ERBB4: variants seen among roughly 807,000 people sequenced by gnomAD.
The protein encoded by ERBB4 is erb-b2 receptor tyrosine kinase 4, also known as receptor tyrosine-protein kinase erbB-4.
ERBB4 carries 42 observed loss-of-function variants against 158.0 expected under a neutral mutation model. The observed-to-expected ratio is 0.27, with a 90% CI of 0.21 to 0.34. ERBB4 has a LOEUF of 0.34. ERBB4 is among the 10% of genes least tolerant of loss of function. The pLI is 1.00. For missense variants in ERBB4, 1,333 were observed against 1,624.1 expected, an observed-to-expected ratio of 0.82 and a Z score of 3.08; for synonymous variants, 583 against 558.7, an observed-to-expected ratio of 1.04 and a Z score of -0.61.
At chr2:212,180,677 C>T (rs2081830776) in intron 1 of ERBB4, among the ~76,000 whole-genome samples, 1 of 151,744 alleles carries the variant, frequency 6.6e-6, no homozygotes, top group South Asian at 2.1e-4. Flanking sequence ...TCTAATGTCA[C>T]CAATTTCTCA....
chr2:211,862,421 G>A (rs1273654803), intron 3 of ERBB4, among the ~76,000 whole-genome samples: 1 of 151,800 alleles, frequency 6.6e-6, no homozygotes, highest in African/African-American at 2.4e-5. Flanking sequence ...TTTTTTTCAA[G>A]CATTGTCTTA....
intron 20 of ERBB4, among the ~76,000 whole-genome samples, chr2:211,516,413 A>C (rs1201148810): frequency 1.3e-5 from 2 of 151,234 alleles, no homozygotes; most frequent in Non-Finnish European, 2.9e-5. Flanking sequence ...GGCTCAGTGC[A>C]ACCTCTGCCT....
intron 2 of ERBB4, among the ~76,000 whole-genome samples, chr2:212,027,643 T>C (rs1478811070): frequency 1.4e-5 from 1 of 69,512 alleles, no homozygotes; most frequent in African/African-American, 3.5e-5. Flanking sequence ...TTGATCACTG[T>C]TTCCATTTAA....
At chr2:211,721,453 A>AAAAAAG (rs2074089134) in intron 7 of ERBB4, among the ~76,000 whole-genome samples, 1 of 148,652 alleles carries the variant, frequency 6.7e-6, no homozygotes, top group African/African-American at 2.5e-5. Flanking sequence ...CAAAAAAAAA[A>AAAAAAG]AAAAAAAAAA....
chr2:212,052,652 T>G (rs573909896), intron 2 of ERBB4, among the ~76,000 whole-genome samples: 4 of 152,148 alleles, frequency 2.6e-5, no homozygotes, highest in Non-Finnish European at 5.9e-5. Context: ...ACCCTTTTGG[T>G]CTTGAAACTC....
At chr2:212,349,450 C>A (rs2371572) in intron 1 of ERBB4, among the ~76,000 whole-genome samples, 80,100 of 151,538 alleles carry the variant, frequency 0.53, 21,675 homozygotes, top group East Asian at 0.79. Flanking sequence ...ACAATTGTTA[C>A]CAATTAGGAA....
intron 1 of ERBB4, among the ~76,000 whole-genome samples, chr2:212,384,920 T>TATATATATATATATATATACAC (rs764463489): frequency 8.1e-6 from 1 of 123,774 alleles, no homozygotes; most frequent in Non-Finnish European, 1.7e-5. Context: ...TATATATATA[T>TATATATATATATATATATACAC]ACACACACAC....
intron 1 of ERBB4, among the ~76,000 whole-genome samples, chr2:212,537,132 A>AGGCGGC (rs71397171): frequency 1.2e-4 from 12 of 99,530 alleles, no homozygotes; most frequent in Admixed American, 6.6e-4. Context: ...TAGGCAAAGG[A>AGGCGGC]GGCGGCGGCG....
intron 25 of ERBB4, among the ~76,000 whole-genome samples, chr2:211,396,437 T>G (rs2125341645): frequency 6.6e-6 from 1 of 152,136 alleles, no homozygotes; most frequent in Non-Finnish European, 1.5e-5. Flanking sequence ...CTATTTAGAG[T>G]TTAGAGTTAT....
chr2:211,481,072 T>C (rs532873248), intron 20 of ERBB4, among the ~76,000 whole-genome samples: 2 of 152,254 alleles, frequency 1.3e-5, no homozygotes, highest in Admixed American at 6.5e-5. Flanking sequence ...ACACCTATAG[T>C]AGTGTACATA....
intron 20 of ERBB4, among the ~76,000 whole-genome samples, chr2:211,506,075 AAAGGGGTAGAAAAAGAT>A (rs2065741591): frequency 6.6e-6 from 1 of 152,166 alleles, no homozygotes; most frequent in Non-Finnish European, 1.5e-5. Context: ...GACTTAAAGT[AAAGGGGTAGAAAAAGAT>A]ATATCATGTA....
At chr2:211,956,183 A>G (rs2125162100) in intron 2 of ERBB4, among the ~76,000 whole-genome samples, 1 of 152,130 alleles carries the variant, frequency 6.6e-6, no homozygotes, top group South Asian at 2.1e-4. Context: ...TTTTTTTCCT[A>G]TCAGATAAAC....
chr2:211,857,439 A>G (rs2077900093), intron 3 of ERBB4, among the ~76,000 whole-genome samples: 1 of 152,190 alleles, frequency 6.6e-6, no homozygotes, highest in Non-Finnish European at 1.5e-5. Context: ...CTGGAAGAGC[A>G]ACTGAACTAT....
chr2:212,006,195 A>C (rs2076255341), intron 2 of ERBB4, among the ~76,000 whole-genome samples: 1 of 152,274 alleles, frequency 6.6e-6, no homozygotes, highest in Non-Finnish European at 1.5e-5. Flanking sequence ...AAATCCCAGA[A>C]TCTTTCTAAT....
chr2:211,645,613 A>AT lies in ERBB4; in HGVS notation c.1946+12140dup, dbSNP rs559886531. On this transcript the variant is annotated intron_variant, in intron 16 of 27. Transcript: ENST00000342788. ...GATTAATGGCATCATAAATGAAACT[A>AT]TAAACTCATTAGAAGAAATTTCTAA... Among the ~76,000 whole-genome samples the AT allele has an allele frequency of 2.9e-3, 447 of 151,850 alleles. 1 individual carries two copies. The highest frequency in any genetic ancestry group is 5.3e-3 in the Non-Finnish European group (358 of 67,686).
chr2:211,899,178 C>T (rs2079170832), intron 3 of ERBB4, among the ~76,000 whole-genome samples: 1 of 152,110 alleles, frequency 6.6e-6, no homozygotes, highest in South Asian at 2.1e-4. Context: ...GCCATTACAA[C>T]TCAAAGTTTT....
rs185316343 is a variant in ERBB4, at chr2:211,986,763, C to T, written c.235-39147G>A. ...AGCATCTAGAATAGTGCATGGCATA[C>T]GGTGAAGGTTATATGATTTGGGGCT... is the stretch of plus-strand genomic sequence containing the variant. On this transcript the variant is annotated intron_variant, in intron 2 of 27. Coordinates refer to ENST00000342788, the MANE Select transcript of ERBB4 (RefSeq NM_005235.3). Among the ~76,000 whole-genome samples the T allele has an allele frequency of 9.9e-5, 15 of 152,066 alleles. No homozygotes were observed. In the East Asian group the frequency reaches 1.4e-3, roughly 14 times the overall value.
intron 3 of ERBB4, among the ~76,000 whole-genome samples, chr2:211,935,382 A>G (rs977563960): frequency 3.9e-5 from 6 of 152,166 alleles, no homozygotes; most frequent in African/African-American, 1.4e-4. Flanking sequence ...CGGGTGGGCA[A>G]CAGCCAATCT....
intron 20 of ERBB4, among the ~76,000 whole-genome samples, chr2:211,499,450 GAGA>G (rs2065560181): frequency 6.6e-6 from 1 of 152,076 alleles, no homozygotes; most frequent in African/African-American, 2.4e-5. Context: ...TTGAACCCAG[GAGA>G]AGGAGGTTGC....
Sources: gnomAD v4.1 joint callset for allele counts (sites outside exome capture counted in the v4.1 genomes callset) on GRCh38, gnomAD v4.1.1 for gene constraint, MANE v1.5 for transcripts, NCBI Gene and HGNC (gene_info 2026-07-23, HGNC 2026-07-21) for gene names.